PALM2AKAP2: variants seen among roughly 807,000 people sequenced by gnomAD.
PALM2AKAP2 encodes the protein PALM2 and AKAP2 fusion, also known as PALM2-AKAP2 fusion protein.
A neutral mutation model predicts 71.5 loss-of-function variants in PALM2AKAP2; 37 were observed. That is an observed-to-expected ratio of 0.52 (90% CI 0.40 to 0.68). The LOEUF (loss-of-function observed/expected upper bound fraction) is 0.68. PALM2AKAP2 is among the 30% of genes least tolerant of loss of function. The pLI is 0.00. For synonymous variants in PALM2AKAP2, 468 were observed against 478.8 expected, an observed-to-expected ratio of 0.98 and a Z score of 0.29; for missense variants, 1,224 against 1,191.8, an observed-to-expected ratio of 1.03 and a Z score of -0.40.
Position 109,797,206 on chromosome 9 carries a change from GCTAT to G in PALM2AKAP2, c.45+16677_45+16680del, listed in dbSNP as rs537571501. 7.7e-4 allele frequency among the ~76,000 whole-genome samples: 117 copies of G among 152,152 alleles called. 1 individual carries two copies. The highest frequency in any genetic ancestry group is 2.7e-3 in the African/African-American group (111 of 41,506). ...CTCAGCTGGGTTGTGTCCTTTGGCC[GCTAT>G]CTAAGTTCTCACTCCGCTTAGCATG... is the stretch of plus-strand genomic sequence containing the variant. On this transcript the variant is annotated intron_variant, in intron 1 of 9. Transcript: ENST00000302798.
chr9:110,151,152 T>A (rs889565903), intron 2 of PALM2AKAP2, among the ~76,000 whole-genome samples: 5 of 152,230 alleles, frequency 3.3e-5, no homozygotes, highest in African/African-American at 1.2e-4. Flanking sequence ...TTTCCTAAAC[T>A]GTTTTTCTTC....
rs532514089 is a variant in PALM2AKAP2 at position 109,685,643 on chromosome 9, T to A, written c.5+44777T>A. Among the ~76,000 whole-genome samples the A allele has an allele frequency of 2.0e-5, 3 of 152,274 alleles. No homozygotes were observed. In the South Asian group the frequency reaches 6.2e-4, roughly 32 times the overall value. On this transcript the variant is annotated intron_variant, in intron 1 of 6. Coordinates refer to the PALM2AKAP2 transcript ENST00000374531. ...AAAAATACTTTATTGCTAAAAAATG[T>A]GGACAATTACTTGAACCCTCAGTGA... is the stretch of plus-strand genomic sequence containing the variant.
intron 1 of PALM2AKAP2, among the ~76,000 whole-genome samples, chr9:110,080,456 T>C (rs990999737): frequency 6.6e-6 from 1 of 152,246 alleles, no homozygotes; most frequent in Non-Finnish European, 1.5e-5. Context: ...TTGATAATTC[T>C]AGACCATCAA....
chr9:110,006,346 C>CTT lies in PALM2AKAP2; in HGVS notation c.497-9606_497-9605dup, dbSNP rs548118160. On this transcript the variant is annotated intron_variant, in intron 6 of 9. Coordinates refer to the PALM2AKAP2 transcript ENST00000302798. ...CTTCTCTTTCTTTCTTTCTTTCTTT[C>CTT]TTTCTTTCTTTCTTTCTTTCTTTCT... is the stretch of plus-strand genomic sequence containing the variant. 3.3e-3 allele frequency among the ~76,000 whole-genome samples: 440 copies of CTT among 131,536 alleles called. 2 individuals carry two copies. The highest frequency in any genetic ancestry group is 0.012 in the African/African-American group (407 of 33,036). The allele number at this position is 131,536 out of a possible 152,430, so 86.3% of individuals were successfully genotyped here.
chr9:109,676,565 G>A (rs1827652081), intron 1 of PALM2AKAP2, among the ~76,000 whole-genome samples: 1 of 152,194 alleles, frequency 6.6e-6, no homozygotes, highest in African/African-American at 2.4e-5. Context: ...TTGGCCAGTT[G>A]AATAGACTTT....
At chr9:109,941,157 T>C (rs927044827) in intron 6 of PALM2AKAP2, among the ~76,000 whole-genome samples, 162 of 149,438 alleles carry the variant, frequency 1.1e-3, no homozygotes, top group Non-Finnish European at 1.6e-3. Flanking sequence ...TTTTTTTTTT[T>C]TTTTTTTTTT....
chr9:109,842,083 A>G (rs969299445), intron 1 of PALM2AKAP2, among the ~76,000 whole-genome samples: 3 of 152,026 alleles, frequency 2.0e-5, no homozygotes, highest in Non-Finnish European at 2.9e-5. Context: ...TGACATGCAC[A>G]GACTCTCTGG....
At chr9:109,974,864 A>C (rs957018354) in intron 6 of PALM2AKAP2, among the ~76,000 whole-genome samples, 1 of 152,192 alleles carries the variant, frequency 6.6e-6, no homozygotes, top group Non-Finnish European at 1.5e-5. Context: ...ACAGATGCAG[A>C]CTATTCCTCT....
rs532431880 is a variant in PALM2AKAP2, at chr9:109,686,637, TA to T, written c.5+45772del. 4.6e-4 allele frequency among the ~76,000 whole-genome samples: 68 copies of T among 149,170 alleles called. 1 individual carries two copies. In the East Asian group the frequency reaches 0.011, roughly 24 times the overall value. On this transcript the variant is annotated intron_variant, in intron 1 of 6. Coordinates refer to the PALM2AKAP2 transcript ENST00000374531. ...CATTTATTTATTTATTTATTTATTT[TA>T]TTTTTTTACTTTTATTTTTTAGAGC...
At chr9:109,714,151 T>G (rs1300910115) in intron 1 of PALM2AKAP2, among the ~76,000 whole-genome samples, 1 of 152,252 alleles carries the variant, frequency 6.6e-6, no homozygotes. Flanking sequence ...AAAACCAAAT[T>G]AGTCACCTTT....
chr9:110,125,879 G>T (rs1354222125), intron 1 of PALM2AKAP2, among the ~76,000 whole-genome samples: 3 of 151,958 alleles, frequency 2.0e-5, no homozygotes, highest in African/African-American at 7.3e-5. Flanking sequence ...TATATGAGTC[G>T]TCTGTGGCAG....
intron 1 of PALM2AKAP2, among the ~76,000 whole-genome samples, chr9:109,792,287 G>A (rs1267392326): frequency 1.3e-5 from 2 of 152,138 alleles, no homozygotes; most frequent in Admixed American, 1.3e-4. Context: ...GAGAAAAATA[G>A]ACTTATTAAA....
intron 1 of PALM2AKAP2, among the ~76,000 whole-genome samples, chr9:109,831,345 C>G (rs1828296814): frequency 6.6e-6 from 1 of 152,138 alleles, no homozygotes; most frequent in South Asian, 2.1e-4. Context: ...CTTCATTCAC[C>G]TTTCAGCCTC....
At chr9:109,978,410 C>T (rs544948752) in intron 6 of PALM2AKAP2, among the ~76,000 whole-genome samples, 1 of 152,282 alleles carries the variant, frequency 6.6e-6, no homozygotes, top group East Asian at 1.9e-4. Flanking sequence ...TGTTAAACAA[C>T]ATGTCTGCAC....
At chr9:110,078,342 A>G (rs1486696597) in intron 1 of PALM2AKAP2, among the ~76,000 whole-genome samples, 3 of 152,174 alleles carry the variant, frequency 2.0e-5, no homozygotes, top group Admixed American at 6.5e-5. Flanking sequence ...TGAGTCTGGC[A>G]TGTAGTAGGT....
chr9:109,884,288 C>A (rs1370789606), intron 3 of PALM2AKAP2, among the ~76,000 whole-genome samples: 1 of 152,076 alleles, frequency 6.6e-6, no homozygotes, highest in Non-Finnish European at 1.5e-5. Context: ...ATGGCAAAAC[C>A]CCATCTCTAC....
intron 1 of PALM2AKAP2, chr9:109,866,919 G>A: frequency 2.4e-6 from 1 of 411,980 alleles, no homozygotes; most frequent in Non-Finnish European, 4.9e-6. Context: ...CTACCCCAAG[G>A]CTAGTGGCAG....
intron 1 of PALM2AKAP2, among the ~76,000 whole-genome samples, chr9:109,810,386 G>C (rs996684458): frequency 6.6e-6 from 1 of 152,178 alleles, no homozygotes; most frequent in Non-Finnish European, 1.5e-5. Flanking sequence ...AGAGGACTAA[G>C]AGAACTAGGG....
rs541316793 is a variant in PALM2AKAP2, at chr9:109,710,104, C to T, written c.5+69238C>T. Among the ~76,000 whole-genome samples, 340 of 152,308 alleles carry T rather than the reference C, an allele frequency of 2.2e-3. 1 individual carries two copies. The highest frequency in any genetic ancestry group is 3.8e-3 in the Non-Finnish European group (256 of 68,028). On this transcript the variant is annotated intron_variant, in intron 1 of 6. Coordinates refer to the PALM2AKAP2 transcript ENST00000374531. ...AAGGAATGCCAAGTATTGCTGGCAG[C>T]TGGCAGAAGCTAGGAGAAAGGCAGG...
Sources: allele counts gnomAD v4.1 joint callset (sites outside exome capture counted in the v4.1 genomes callset), GRCh38; gene constraint gnomAD v4.1.1; transcripts MANE v1.5; gene names NCBI Gene and HGNC (gene_info 2026-07-23, HGNC 2026-07-21).